ADIPOQ: variants seen among roughly 807,000 people sequenced by gnomAD.
The protein encoded by ADIPOQ is adiponectin, C1Q and collagen domain containing, also known as adiponectin.
In ADIPOQ, 19 loss-of-function variants were observed where a neutral mutation model predicts 16.1. That is an observed-to-expected ratio of 1.18 (90% CI 0.82 to 1.73). The LOEUF is 1.73. ADIPOQ is among the 40% of genes most tolerant of loss of function. ADIPOQ has a pLI of 0.00. For missense variants in ADIPOQ, 323 were observed against 308.3 expected (o/e 1.05, Z -0.36); for synonymous variants, 124 against 125.5 (o/e 0.99, Z 0.08).
At chr3:186,849,335 G>C (rs1711672363) in intron 1 of ADIPOQ, among the ~76,000 whole-genome samples, 1 of 152,216 alleles carries the variant, frequency 6.6e-6, no homozygotes, top group South Asian at 2.1e-4. Context: ...AAGGGTGGAG[G>C]TGACAAGCAG....
At position 186,848,104 on chromosome 3, in the gene ADIPOQ, C is replaced by T. The variant is rs147158123; in HGVS notation, c.-8-4947C>T. Among the ~76,000 whole-genome samples the T allele has an allele frequency of 4.4e-3, 668 of 150,330 alleles. 4 individuals are homozygous for T. The highest frequency in any genetic ancestry group is 0.016 in the African/African-American group (645 of 40,902). ...AGGAGCATCAGTTGAACCCAGGAGG[C>T]GGAGGTTGCAGTGAGCCAAGATGGT... On this transcript the variant is annotated intron_variant, in intron 1 of 2. Coordinates refer to ENST00000320741, the MANE Select transcript of ADIPOQ (RefSeq NM_004797.4).
At chr3:186,846,725 A>G (rs555462123) in intron 1 of ADIPOQ, among the ~76,000 whole-genome samples, 3 of 152,194 alleles carry the variant, frequency 2.0e-5, no homozygotes, top group East Asian at 1.9e-4. Context: ...TAACATGAAG[A>G]TAAATGATCA....
rs1711854847 is a variant in ADIPOQ, at chr3:186,853,237, G to A, written c.179G>A (p.Gly60Asp). ...NGAPGRDGRD[G>D]TPGEKGEKGD... ...GCCCCAGGCCGTGATGGCAGAGATG[G>A]CACCCCTGGTGAGAAGGGTGAGAAA... Residue 60 changes from glycine to aspartate, a missense_variant, in exon 2 of 3, where the codon GGC becomes GAC. Transcript: ENST00000320741. The A allele has an allele frequency of 2.5e-6, 4 of 1,612,154 alleles. No individual in the cohort carries two copies. Among genetic ancestry groups the A allele is most frequent in the African/African-American group, 1.3e-5 (1 of 74,928 alleles).
intron 1 of ADIPOQ, among the ~76,000 whole-genome samples, chr3:186,847,487 A>G (rs1172831889): frequency 6.6e-6 from 1 of 152,218 alleles, no homozygotes; most frequent in African/African-American, 2.4e-5. Context: ...AACATTAAGA[A>G]ATCTTAAATT....
At chr3:186,843,610 A>T (rs2108486910) in intron 1 of ADIPOQ, among the ~76,000 whole-genome samples, 1 of 147,168 alleles carries the variant, frequency 6.8e-6, no homozygotes, top group South Asian at 2.3e-4. Flanking sequence ...CAGTGAGCCG[A>T]GATTGTTGCC....
chr3:186,854,123 T>A, intron 2 of ADIPOQ, 61 bp from the exon 3 acceptor site: 1 of 1,568,348 alleles, frequency 6.4e-7, no homozygotes, highest in Non-Finnish European at 8.6e-7. Flanking sequence ...TAATTTAGGC[T>A]GTAACCAACC....
At chr3:186,850,062 A>G (rs1711695947) in intron 1 of ADIPOQ, among the ~76,000 whole-genome samples, 5 of 152,154 alleles carry the variant, frequency 3.3e-5, no homozygotes, top group Admixed American at 2.0e-4. Context: ...TGAGGTCAGG[A>G]GTTTGAGACT....
rs1348397321 is a variant in ADIPOQ, at chr3:186,848,273, AGAAG to A, written c.-8-4766_-8-4763del. ...AAGAAGGAAGGAAGGAAGGAAGGAA[AGAAG>A]GAAGGAAGGAAAGAAGGAAGGAAGG... On this transcript the variant is annotated intron_variant, in intron 1 of 2. Coordinates refer to ENST00000320741, the MANE Select transcript of ADIPOQ (RefSeq NM_004797.4). Among the ~76,000 whole-genome samples the A allele has an allele frequency of 2.5e-3, 266 of 105,748 alleles. 10 individuals are homozygous for A. In the Admixed American group the frequency reaches 0.028, roughly 11 times the overall value. 69.4% of individuals were successfully genotyped at this position (105,748 alleles called of 152,430 possible). A position where few individuals can be genotyped will look rare whatever the true frequency, so the allele number is the denominator to read the frequency against.
rs1711947149 is a variant in ADIPOQ, at chr3:186,855,076, A to C, written c.*372A>C. 1 of 212,874 alleles carries C rather than the reference A, an allele frequency of 4.7e-6. No homozygotes were observed. The highest frequency in any genetic ancestry group is 1.1e-4 in the East Asian group (1 of 8,976). 13.2% of individuals were successfully genotyped at this position (212,874 alleles called of 1,614,324 possible). A position where few individuals can be genotyped will look rare whatever the true frequency, so the allele number is the denominator to read the frequency against. On this transcript the variant is annotated 3_prime_UTR_variant, in exon 3 of 3. Coordinates refer to ENST00000320741, the MANE Select transcript of ADIPOQ (RefSeq NM_004797.4). ...GTTAAGTGAATGTCTAAGGTCACACAGTATTAAGTGACAGTGCTAGAAATC... is the reference window on the plus strand; with the variant it reads ...GTTAAGTGAATGTCTAAGGTCACACCGTATTAAGTGACAGTGCTAGAAATC...
chr3:186,846,451 C>G (rs1711585020), intron 1 of ADIPOQ, among the ~76,000 whole-genome samples: 1 of 152,060 alleles, frequency 6.6e-6, no homozygotes, highest in South Asian at 2.1e-4. Flanking sequence ...CCAGGCTGGT[C>G]TTGAACTCCT....
rs1475494789 is a variant in ADIPOQ at position 186,842,725 on chromosome 3, T to G, written c.-33T>G. On this transcript the variant is annotated 5_prime_UTR_variant, in exon 1 of 3. Coordinates refer to ENST00000320741, the MANE Select transcript of ADIPOQ (RefSeq NM_004797.4). Reference sequence around the variant, plus strand: ...CCTCACTTCCATTCTGACTGCAGTCTGTGGTTCTGATTCCATACCAGAGGG... The same window carrying G: ...CCTCACTTCCATTCTGACTGCAGTCGGTGGTTCTGATTCCATACCAGAGGG... 6.6e-6 allele frequency: 1 copy of G among 152,448 alleles called. No individual in the cohort carries two copies. Among genetic ancestry groups the G allele is most frequent in the Non-Finnish European group, 1.5e-5 (1 of 68,240 alleles). 9.4% of individuals were successfully genotyped at this position (152,448 alleles called of 1,614,324 possible).
At chr3:186,849,047 A>G (rs1489629365) in intron 1 of ADIPOQ, among the ~76,000 whole-genome samples, 1 of 151,216 alleles carries the variant, frequency 6.6e-6, no homozygotes, top group East Asian at 1.9e-4. Flanking sequence ...TTGGGGACAA[A>G]CAGTGTTCCC....
chr3:186,846,014 C>T (rs822391), intron 1 of ADIPOQ, among the ~76,000 whole-genome samples: 129,312 of 152,100 alleles, frequency 0.85, 55,365 homozygotes, highest in African/African-American at 0.96. Flanking sequence ...GAGGGATCAT[C>T]TCCTTAATCT....
intron 1 of ADIPOQ, among the ~76,000 whole-genome samples, chr3:186,851,480 C>T (rs1711765329): frequency 2.0e-5 from 3 of 152,006 alleles, no homozygotes; most frequent in African/African-American, 7.3e-5. Context: ...GTATTGGGCC[C>T]TTTTCTGGGA....
chr3:186,853,017 T>C (rs1711836023), intron 1 of ADIPOQ, 34 bp from the exon 2 acceptor site: 1 of 1,611,962 alleles, frequency 6.2e-7, no homozygotes, highest in Non-Finnish European at 8.5e-7. Context: ...GGGGTCTGTC[T>C]CTCCATGGCT....
chr3:186,854,195 C>T lies in ADIPOQ; in HGVS notation c.226C>T (p.Pro76Ser). The change falls in exon 3 of 3, where the codon CCT becomes TCT. Residue 76 changes from proline (P) to serine (S), a missense_variant. Pro to Ser is a moderately conservative substitution (Grantham distance 74). Transcript: ENST00000320741. The part of the protein sequence containing the change: ...GEKGDPGLIG[P>S]KGDIGETGVP... ...TTCTCATTCCTTAGGTCTTATTGGTCCTAAGGGAGACATCGGTGAAACCGG... is the reference window on the plus strand; with the variant it reads ...TTCTCATTCCTTAGGTCTTATTGGTTCTAAGGGAGACATCGGTGAAACCGG... 6.2e-7 allele frequency: 1 copy of T among 1,613,242 alleles called. No homozygotes were observed. Among genetic ancestry groups the T allele is most frequent in the Non-Finnish European group, 8.5e-7 (1 of 1,179,498 alleles).
intron 1 of ADIPOQ, among the ~76,000 whole-genome samples, chr3:186,844,137 A>G (rs1157449775): frequency 6.6e-6 from 1 of 152,170 alleles, no homozygotes; most frequent in African/African-American, 2.4e-5. Flanking sequence ...AGTGGTACAC[A>G]GGGAGCCCGG....
intron 1 of ADIPOQ, among the ~76,000 whole-genome samples, chr3:186,844,511 C>CAA (rs33955672): frequency 0.055 from 6,692 of 122,350 alleles, 255 homozygotes; most frequent in Non-Finnish European, 0.081. Flanking sequence ...AACTCCATCT[C>CAA]AAAAAAAAAA....
chr3:186,846,243 T>G (rs1315711432), intron 1 of ADIPOQ, among the ~76,000 whole-genome samples: 18 of 113,450 alleles, frequency 1.6e-4, no homozygotes, highest in Non-Finnish European at 1.8e-5. Context: ...ATTTGAGGAT[T>G]TTGTATACTT....
Sources: allele counts gnomAD v4.1 joint callset (sites outside exome capture counted in the v4.1 genomes callset), GRCh38; gene constraint gnomAD v4.1.1; transcripts MANE v1.5; gene names NCBI Gene and HGNC (gene_info 2026-07-23, HGNC 2026-07-21).